GORASP2: variants seen among roughly 807,000 people sequenced by gnomAD.
GORASP2 encodes the protein golgi reassembly stacking protein 2, also known as Golgi reassembly-stacking protein 2.
A neutral mutation model predicts 45.7 loss-of-function variants in GORASP2; 22 were observed. The ratio of observed to expected loss-of-function variants is 0.48; its 90% CI spans 0.34 to 0.69. The LOEUF (loss-of-function observed/expected upper bound fraction) is 0.69. Among genes scored for constraint, GORASP2 ranks in the 30% least tolerant of loss-of-function variants. GORASP2 has a pLI of 0.01. For synonymous variants in GORASP2, 221 were observed against 215.6 expected (o/e 1.02, Z -0.22); for missense variants, 491 against 562.7 (o/e 0.87, Z 1.29).
At chr2:170,945,209 C>T (rs1277992788) in intron 1 of GORASP2, among the ~76,000 whole-genome samples, 1 of 152,006 alleles carries the variant, frequency 6.6e-6, no homozygotes, top group Non-Finnish European at 1.5e-5. Flanking sequence ...CCCTGTAATC[C>T]TAGTGCTTTG....
In GORASP2 at chr2:170,961,763, G is replaced by A. The variant is rs768418589; in HGVS notation, c.910+14G>A. 1.2e-5 allele frequency: 16 copies of A among 1,293,722 alleles called. No homozygotes were observed. The South Asian group carries it at 1.8e-4, about 14-fold the overall frequency. 80.1% of individuals were successfully genotyped at this position (1,293,722 alleles called of 1,614,324 possible). On this transcript the variant is annotated intron_variant, in intron 8 of 9. Transcript: ENST00000234160. ...CTACATTACCAGGTAACCACCAGGGGACTAGAGATGTGGCTGATAATAACA... is the reference window on the plus strand; with the variant it reads ...CTACATTACCAGGTAACCACCAGGGAACTAGAGATGTGGCTGATAATAACA...
At chr2:170,945,897 A>G (rs1704172524) in intron 1 of GORASP2, among the ~76,000 whole-genome samples, 2 of 152,236 alleles carry the variant, frequency 1.3e-5, no homozygotes, top group South Asian at 4.1e-4. Context: ...TTGAAAGTGT[A>G]TCTGTCATTT....
At chr2:170,944,261 A>C (rs1704136634) in intron 1 of GORASP2, among the ~76,000 whole-genome samples, 1 of 152,202 alleles carries the variant, frequency 6.6e-6, no homozygotes, top group Admixed American at 6.5e-5. Context: ...TATGTTGTAG[A>C]TCATATTTTC....
Position 170,966,165 on chromosome 2 carries a change from T to G in GORASP2, c.*35T>G. On this transcript the variant is annotated 3_prime_UTR_variant, in exon 10 of 10. Coordinates refer to ENST00000234160, the MANE Select transcript of GORASP2 (RefSeq NM_015530.5). The stretch of plus-strand genomic sequence containing the variant: ...ATTCTTTGGAATTGGCGTGGTATAT[T>G]TAACCACGGGAGCGTGTCTGGAAAC... 1 of 1,462,668 alleles carries G rather than the reference T, an allele frequency of 6.8e-7. No homozygotes were observed. Among genetic ancestry groups the G allele is most frequent in the Non-Finnish European group, 9.6e-7 (1 of 1,041,982 alleles). The allele number at this position is 1,462,668 out of a possible 1,614,324, so 90.6% of individuals were successfully genotyped here.
rs1704602240 is a variant in GORASP2 at position 170,963,048 on chromosome 2, A to G, written c.1018+102A>G. The G allele has an allele frequency of 4.0e-6, 3 of 755,714 alleles. No individual in the cohort carries two copies. In the South Asian group the frequency reaches 4.4e-5, roughly 11 times the overall value. The allele number at this position is 755,714 out of a possible 1,614,324, so 46.8% of individuals were successfully genotyped here. A position where few individuals can be genotyped will look rare whatever the true frequency, so the allele number is the denominator to read the frequency against. ...TTTCTGGAGAGAGCAAATCAGTTTA[A>G]CAGATTTCAGCTACTTCAAATAAAT... On this transcript the variant is annotated intron_variant, in intron 9 of 9. Transcript: ENST00000234160.
intron 7 of GORASP2, among the ~76,000 whole-genome samples, chr2:170,960,468 A>C (rs1217369754): frequency 2.6e-5 from 4 of 152,196 alleles, no homozygotes; most frequent in Admixed American, 6.5e-5. Context: ...AGATTTAGTC[A>C]GTTATTTTTG....
At chr2:170,941,457 A>ATACAC (rs1704075983) in intron 1 of GORASP2, among the ~76,000 whole-genome samples, 1 of 152,222 alleles carries the variant, frequency 6.6e-6, no homozygotes, top group South Asian at 2.1e-4. Context: ...ACACAAGTGT[A>ATACAC]TAGCTTGGTG....
chr2:170,934,940 AT>A (rs1223121299), intron 1 of GORASP2, among the ~76,000 whole-genome samples: 2 of 152,020 alleles, frequency 1.3e-5, no homozygotes, highest in African/African-American at 4.8e-5. Flanking sequence ...CTTTCACCCT[AT>A]TGGTCAAGCT....
At chr2:170,951,630 A>G (rs903882211) in intron 5 of GORASP2, 172 bp downstream of exon 5, 1 of 525,872 alleles carries the variant, frequency 1.9e-6, no homozygotes, top group African/African-American at 1.9e-5. Context: ...TAAAGTACAT[A>G]TCTAGGGAAC....
intron 7 of GORASP2, among the ~76,000 whole-genome samples, 157 bp from the exon 8 acceptor site, chr2:170,961,506 C>G (rs537073699): frequency 8.5e-5 from 13 of 152,122 alleles, no homozygotes; most frequent in Non-Finnish European, 1.9e-4. Context: ...GTGAATCTGC[C>G]GTAAAGGGTG....
At chr2:170,953,822 A>T (rs539373931) in intron 5 of GORASP2, 2 of 152,384 alleles carry the variant, frequency 1.3e-5, no homozygotes, top group Admixed American at 6.5e-5. Flanking sequence ...ATCAGCATTC[A>T]TTCTACTAAA....
At chr2:170,941,812 A>G (rs1704083288) in intron 1 of GORASP2, among the ~76,000 whole-genome samples, 1 of 152,176 alleles carries the variant, frequency 6.6e-6, no homozygotes, top group Admixed American at 6.5e-5. Context: ...TAGTGCTACT[A>G]TCAACATTAT....
chr2:170,951,965 G>A (rs1304073572), intron 5 of GORASP2, among the ~76,000 whole-genome samples: 2 of 152,116 alleles, frequency 1.3e-5, no homozygotes, highest in Admixed American at 6.6e-5. Context: ...GCCTATATGG[G>A]GCAATACTTG....
intron 1 of GORASP2, among the ~76,000 whole-genome samples, chr2:170,935,687 C>A (rs1025418083): frequency 3.3e-5 from 5 of 151,744 alleles, no homozygotes; most frequent in African/African-American, 1.2e-4. Flanking sequence ...ATCCTCCCCC[C>A]TCTCAGCCTC....
At chr2:170,959,064 G>A (rs2105327424) in intron 7 of GORASP2, among the ~76,000 whole-genome samples, 1 of 151,968 alleles carries the variant, frequency 6.6e-6, no homozygotes, top group African/African-American at 2.4e-5. Context: ...GGGTTCAAGC[G>A]ATTTTCCTGC....
chr2:170,945,994 T>A (rs530935010), intron 1 of GORASP2, among the ~76,000 whole-genome samples: 1 of 152,306 alleles, frequency 6.6e-6, no homozygotes, highest in African/African-American at 2.4e-5. Flanking sequence ...ACTTTTGTTC[T>A]TGTGGAATAG....
intron 1 of GORASP2, among the ~76,000 whole-genome samples, chr2:170,932,411 A>T (rs896917796): frequency 1.3e-5 from 2 of 152,192 alleles, no homozygotes; most frequent in Non-Finnish European, 2.9e-5. Flanking sequence ...CTTTTGTACC[A>T]TAGATTGGTT....
rs760132438 is a variant in GORASP2, at chr2:170,965,923, G to A, written c.1152G>A (p.Leu384=). Residue 384 remains leucine (L), a synonymous_variant, in exon 10 of 10, where the codon CTG becomes CTA. Transcript: ENST00000234160. ...SSSAASSGEL[L]SSLPPTSNAP... ...CTGCAGCAAGCTCAGGAGAGCTGCT[G>A]TCTTCCCTCCCGCCCACCAGCAACG... is the stretch of plus-strand genomic sequence containing the variant. 2 of 1,613,938 alleles carry A rather than the reference G, an allele frequency of 1.2e-6. No individual in the cohort carries two copies. The highest frequency in any genetic ancestry group is 1.7e-5 in the Admixed American group (1 of 60,012).
intron 2 of GORASP2, 48 bp from the exon 3 acceptor site, chr2:170,949,491 A>G: frequency 7.2e-7 from 1 of 1,385,356 alleles, no homozygotes; most frequent in Non-Finnish European, 1.0e-6. Flanking sequence ...GCTTAAGCTA[A>G]CATTAAATTT....
Sources: allele counts gnomAD v4.1 joint callset (sites outside exome capture counted in the v4.1 genomes callset), GRCh38; gene constraint gnomAD v4.1.1; transcripts MANE v1.5; gene names NCBI Gene and HGNC (gene_info 2026-07-23, HGNC 2026-07-21).